The following MTMR10 variants were observed in gnomAD, a reference collection of about 807,000 sequenced individuals.
The protein encoded by MTMR10 is myotubularin related protein 10.
A neutral mutation model predicts 88.1 loss-of-function variants in MTMR10; 56 were observed. That is an observed-to-expected ratio of 0.64 (90% CI 0.51 to 0.79). The LOEUF is 0.79. Among genes scored for constraint, MTMR10 ranks in the 30% least tolerant of loss-of-function variants. The probability of loss-of-function intolerance (pLI) is 0.00; values close to 1 mark genes in which losing one functional copy is unlikely to be tolerated. For missense variants in MTMR10, 883 were observed against 924.7 expected (o/e 0.95, Z 0.58); for synonymous variants, 380 against 340.9 (o/e 1.11, Z -1.26).
Position 30,941,307 on chromosome 15 carries a change from T to C in MTMR10, c.*163A>G. 6.6e-7 allele frequency: 1 copy of C among 1,523,746 alleles called. No individual in the cohort carries two copies. The highest frequency in any genetic ancestry group is 2.5e-5 in the East Asian group (1 of 40,142). The allele number at this position is 1,523,746 out of a possible 1,614,324, so 94.4% of individuals were successfully genotyped here. On this transcript the variant is annotated 3_prime_UTR_variant, in exon 16 of 16. Transcript: ENST00000435680. Reference sequence around the variant, plus strand: ...AAATTTACATCTCTCTTAAAATAAGTGTGAAAGAAGCATGATTCAACATGT... The same window carrying C: ...AAATTTACATCTCTCTTAAAATAAGCGTGAAAGAAGCATGATTCAACATGT...
chr15:30,949,269 C>T (rs1054914120), intron 12 of MTMR10: 1 of 152,198 alleles, frequency 6.6e-6, no homozygotes, highest in African/African-American at 2.4e-5. Context: ...TGGTGAAAGA[C>T]TGGATACTCT....
At chr15:30,971,798 A>G (rs1055356071) in intron 5 of MTMR10, among the ~76,000 whole-genome samples, 1 of 152,162 alleles carries the variant, frequency 6.6e-6, no homozygotes, top group Non-Finnish European at 1.5e-5. Context: ...TTAGATGTCC[A>G]ATTCTGCACC....
chr15:30,956,982 C>G (rs564791985), intron 9 of MTMR10, among the ~76,000 whole-genome samples: 24 of 152,236 alleles, frequency 1.6e-4, no homozygotes, highest in African/African-American at 5.5e-4. Flanking sequence ...TAGTCACCTT[C>G]CTTTCCAGAA....
chr15:30,959,282 CCT>C (rs1307845878), intron 7 of MTMR10, among the ~76,000 whole-genome samples, 161 bp from the exon 8 acceptor site: 1 of 152,140 alleles, frequency 6.6e-6, no homozygotes, highest in Admixed American at 6.5e-5. Context: ...CGATCCTACA[CCT>C]CTTAGTCTAA....
chr15:30,973,279 CAT>C (rs1447653937), intron 5 of MTMR10, among the ~76,000 whole-genome samples: 1 of 152,004 alleles, frequency 6.6e-6, no homozygotes, highest in African/African-American at 2.4e-5. Flanking sequence ...AACTTTTACC[CAT>C]AGAGGAGCCT....
rs2063055320 is a variant in MTMR10 at position 30,941,592 on chromosome 15, A to C, written c.2212T>G (p.Ser738Ala). 1 of 1,599,662 alleles carries C rather than the reference A, an allele frequency of 6.3e-7. No homozygotes were observed. The highest frequency in any genetic ancestry group is 1.8e-5 in the Admixed American group (1 of 57,054). Residue 738 changes from serine (S) to alanine (A), a missense_variant, in exon 16 of 16, where the codon TCA becomes GCA. By Grantham distance (99) the Ser-to-Ala change is moderately conservative. Transcript: ENST00000435680. Reference sequence around the variant, plus strand: ...TTCCCTACAGGAGAAAATGGAAATGAGGAGGAGAGAAACTCCGGTGTCCCC... The same window carrying C: ...TTCCCTACAGGAGAAAATGGAAATGCGGAGGAGAGAAACTCCGGTGTCCCC... ...TSGTPEFLSSSFPFSPVGNLC... is the reference protein window; with the variant it reads ...TSGTPEFLSSAFPFSPVGNLC...
At chr15:30,927,971 A>C in the MTMR10 span, 1 of 985,642 alleles carries the variant, frequency 1.0e-6, no homozygotes, top group Non-Finnish European at 1.2e-6. Flanking sequence ...GGTGATCTTT[A>C]AGGCCAGATG....
At chr15:30,967,870 A>C (rs771351702) in intron 6 of MTMR10, 50 bp downstream of exon 6, 1 of 1,438,748 alleles carries the variant, frequency 7.0e-7, no homozygotes, top group Non-Finnish European at 9.5e-7. Context: ...CATAAGAGTA[A>C]AATTTACACA....
intron 2 of MTMR10, among the ~76,000 whole-genome samples, chr15:30,986,559 CA>C (rs2030951448): frequency 6.6e-6 from 1 of 151,394 alleles, no homozygotes; most frequent in South Asian, 2.1e-4. Flanking sequence ...CAACATTTAA[CA>C]AAAAAAGTAT....
At chr15:30,948,630 TAC>T in intron 12 of MTMR10, 159 bp from the exon 13 acceptor site, 1 of 666,596 alleles carries the variant, frequency 1.5e-6, no homozygotes, top group Non-Finnish European at 2.5e-6. Context: ...TCTAAAATAT[TAC>T]AGACTTGTAG....
rs1204505115 is a variant in MTMR10 at position 30,968,272 on chromosome 15, A to G, written c.475-262T>C. ...ATTTGCTGAGTTAAATTTTAATTGG[A>G]AAGTAATTTTAGTCCAATAAAGAAA... On this transcript the variant is annotated intron_variant, in intron 5 of 15. Transcript: ENST00000435680. The G allele has an allele frequency of 1.3e-5, 4 of 300,004 alleles. No individual in the cohort carries two copies. The Admixed American group carries it at 2.0e-4, about 15-fold the overall frequency. 18.6% of individuals were successfully genotyped at this position (300,004 alleles called of 1,614,324 possible). A position where few individuals can be genotyped will look rare whatever the true frequency, so the allele number is the denominator to read the frequency against.
intron 15 of MTMR10, chr15:30,942,649 T>G (rs1288609968): frequency 2.1e-6 from 1 of 467,868 alleles, no homozygotes; most frequent in Non-Finnish European, 3.7e-6. Context: ...CTTTAGTAAA[T>G]CAGGCTTGCA....
chr15:30,928,900 C>T, the MTMR10 span: 3 of 593,278 alleles, frequency 5.1e-6, no homozygotes, highest in Non-Finnish European at 4.2e-6. Flanking sequence ...TATAAAGTAC[C>T]ATCAGCATCA....
At position 30,951,997 on chromosome 15, in the gene MTMR10, T is replaced by G; in HGVS notation, c.1178A>C (p.Glu393Ala). The G allele has an allele frequency of 6.2e-7, 1 of 1,613,906 alleles. No individual in the cohort carries two copies. The highest frequency in any genetic ancestry group is 8.5e-7 in the Non-Finnish European group (1 of 1,179,778). Residue 393 changes from glutamate to alanine, a missense_variant, in exon 12 of 16, where the codon GAA (glutamate) becomes GCA (alanine). Glu to Ala is a moderately radical substitution (Grantham distance 107). Around this residue, in one of 3 missense-constraint regions of MTMR10, gnomAD observed 126 missense variants for 178.2 expected, o/e 0.71. Transcript: ENST00000435680. ...TAGGACTACAGAGAGATGTTTGCTT[T>G]CTAGCATGTATACAAGTTCTGCTGA... ...KHSAELVYML[E>A]SKHLSVVLQE...
At chr15:30,943,898 C>G in intron 14 of MTMR10, 1 of 985,398 alleles carries the variant, frequency 1.0e-6, no homozygotes, top group Non-Finnish European at 1.2e-6. Flanking sequence ...TGGCAGCAGG[C>G]TACCACAGCA....
At chr15:30,985,213 G>C (rs944792341) in intron 2 of MTMR10, among the ~76,000 whole-genome samples, 10 of 152,156 alleles carry the variant, frequency 6.6e-5, no homozygotes, top group African/African-American at 2.4e-4. Context: ...ACTGTGCTTC[G>C]GCACAGCCAG....
chr15:30,990,747 GTATC>G (rs1201675152), intron 2 of MTMR10, 26 bp downstream of exon 2: 1 of 1,584,598 alleles, frequency 6.3e-7, no homozygotes, highest in Middle Eastern at 1.7e-4. Context: ...CGTTGCTAAA[GTATC>G]TGTTAGAATC....
chr15:30,965,338 A>C (rs1244073931), intron 6 of MTMR10, among the ~76,000 whole-genome samples: 2 of 152,240 alleles, frequency 1.3e-5, no homozygotes, highest in Non-Finnish European at 2.9e-5. Flanking sequence ...ACAACTTCTG[A>C]TGTGAAATTT....
At chr15:30,925,997 T>C in the MTMR10 span, 6 of 1,567,140 alleles carry the variant, frequency 3.8e-6, no homozygotes, top group East Asian at 1.3e-4. Context: ...GCAGCAGCAC[T>C]GGATGGGCTG....
Sources: gnomAD v4.1 joint callset for allele counts (sites outside exome capture counted in the v4.1 genomes callset) on GRCh38, gnomAD v4.1.1 for gene constraint, gnomAD v4.1.1 regional missense constraint, MANE v1.5 for transcripts, NCBI Gene and HGNC (gene_info 2026-07-23, HGNC 2026-07-21) for gene names.